Variants in TMTC2 observed in about 807,000 individuals in gnomAD.
TMTC2 encodes transmembrane O-mannosyltransferase targeting cadherins 2, also known as protein O-mannosyl-transferase TMTC2.
TMTC2 carries 43 observed loss-of-function variants against 82.4 expected under a neutral mutation model. The observed-to-expected ratio is 0.52, with a 90% CI of 0.41 to 0.67. TMTC2 has a LOEUF of 0.67. Among genes scored for constraint, TMTC2 ranks in the 30% least tolerant of loss-of-function variants. TMTC2 has a pLI of 0.00. For missense variants in TMTC2, 919 were observed against 1,012.4 expected, an observed-to-expected ratio of 0.91 and a Z score of 1.25; for synonymous variants, 408 against 381.9, an observed-to-expected ratio of 1.07 and a Z score of -0.80.
At chr12:82,846,864 G>T (rs565110513) in intron 1 of TMTC2, among the ~76,000 whole-genome samples, 1 of 152,156 alleles carries the variant, frequency 6.6e-6, no homozygotes, top group South Asian at 2.1e-4. Flanking sequence ...TTACAATCTA[G>T]TAGGAAGAGA....
intron 1 of TMTC2, among the ~76,000 whole-genome samples, chr12:82,693,695 C>G (rs56396658): frequency 1.3e-5 from 2 of 151,838 alleles, no homozygotes; most frequent in Non-Finnish European, 2.9e-5. Flanking sequence ...TGTGGCCGGG[C>G]GCGGTGGCTC....
chr12:82,828,797 C>T (rs1471858814), intron 1 of TMTC2, among the ~76,000 whole-genome samples: 1 of 151,954 alleles, frequency 6.6e-6, no homozygotes, highest in East Asian at 1.9e-4. Flanking sequence ...AAGGAAAAAC[C>T]TATTTCAATA....
intron 7 of TMTC2, among the ~76,000 whole-genome samples, chr12:82,977,122 T>C (rs567059714): frequency 1.3e-5 from 2 of 152,106 alleles, no homozygotes; most frequent in Non-Finnish European, 2.9e-5. Flanking sequence ...GAGAGGGAGT[T>C]TGAATAAATC....
At chr12:82,929,862 T>C (rs10778915) in intron 3 of TMTC2, among the ~76,000 whole-genome samples, 117,932 of 152,058 alleles carry the variant, frequency 0.78, 47,549 homozygotes, top group East Asian at 1. Context: ...AGTGTAGAAA[T>C]AGCGATTTTC....
intron 1 of TMTC2, among the ~76,000 whole-genome samples, chr12:82,814,963 G>A (rs773800990): frequency 1.3e-5 from 2 of 152,052 alleles, no homozygotes; most frequent in African/African-American, 2.4e-5. Context: ...ACATATGGAA[G>A]TAAACATACA....
chr12:83,035,426 A>G (rs1881623211), intron 9 of TMTC2, among the ~76,000 whole-genome samples: 1 of 152,152 alleles, frequency 6.6e-6, no homozygotes, highest in Non-Finnish European at 1.5e-5. Context: ...TGGGATTCAG[A>G]TTTCTTATCT....
intron 11 of TMTC2, among the ~76,000 whole-genome samples, chr12:83,102,215 T>A (rs1261056993): frequency 6.6e-6 from 1 of 152,222 alleles, no homozygotes; most frequent in African/African-American, 2.4e-5. Context: ...CCTTTATTCA[T>A]CCTGTGAATA....
At chr12:82,859,043 A>C (rs1392837972) in intron 2 of TMTC2, among the ~76,000 whole-genome samples, 1 of 150,606 alleles carries the variant, frequency 6.6e-6, no homozygotes, top group Non-Finnish European at 1.5e-5. Flanking sequence ...AGGACCTTGC[A>C]TTAGTCGCCT....
chr12:83,054,581 A>G (rs1286704491), intron 10 of TMTC2, among the ~76,000 whole-genome samples: 3 of 150,978 alleles, frequency 2.0e-5, no homozygotes, highest in Admixed American at 1.3e-4. Flanking sequence ...TCATAATTAT[A>G]TATGTGTATA....
chr12:82,851,807 G>A (rs983511054), intron 1 of TMTC2, among the ~76,000 whole-genome samples: 21 of 151,856 alleles, frequency 1.4e-4, no homozygotes, highest in African/African-American at 5.1e-4. Flanking sequence ...TCAGAACAGC[G>A]CCATTTGATG....
intron 11 of TMTC2, among the ~76,000 whole-genome samples, chr12:83,077,237 G>A (rs1348937739): frequency 2.0e-5 from 3 of 152,142 alleles, no homozygotes; most frequent in African/African-American, 4.8e-5. Flanking sequence ...CTTCCACTGC[G>A]GCAGCCATAA....
intron 1 of TMTC2, among the ~76,000 whole-genome samples, chr12:82,843,856 G>A (rs539408761): frequency 1.3e-5 from 2 of 152,252 alleles, no homozygotes; most frequent in East Asian, 1.9e-4. Flanking sequence ...GCTGATGTAC[G>A]AGAATCACTT....
At chr12:83,081,268 A>G (rs1268126131) in intron 11 of TMTC2, among the ~76,000 whole-genome samples, 1 of 152,210 alleles carries the variant, frequency 6.6e-6, no homozygotes, top group African/African-American at 2.4e-5. Context: ...ATTGCATGTA[A>G]CATGTGATTA....
intron 1 of TMTC2, among the ~76,000 whole-genome samples, chr12:82,796,730 T>A (rs7971945): frequency 0.056 from 8,556 of 152,136 alleles, 306 homozygotes; most frequent in Middle Eastern, 0.14. Context: ...CTCAGGCTGG[T>A]TCTATTAAGC....
intron 11 of TMTC2, among the ~76,000 whole-genome samples, chr12:83,074,968 C>T (rs998903621): frequency 6.6e-6 from 1 of 152,192 alleles, no homozygotes; most frequent in Non-Finnish European, 1.5e-5. Context: ...ACCCCCTGCT[C>T]CTCTGGCCAC....
intron 8 of TMTC2, among the ~76,000 whole-genome samples, chr12:82,992,479 T>C (rs1879443798): frequency 6.6e-6 from 1 of 152,148 alleles, no homozygotes; most frequent in South Asian, 2.1e-4. Flanking sequence ...ATTTATTCTA[T>C]GAAAAAGTGA....
chr12:82,919,542 G>A (rs1288662195), intron 3 of TMTC2, among the ~76,000 whole-genome samples: 1 of 152,106 alleles, frequency 6.6e-6, no homozygotes, highest in African/African-American at 2.4e-5. Context: ...AATGAGATAT[G>A]GGTGATGCTC....
chr12:83,003,973 C>T (rs933954892), intron 8 of TMTC2, among the ~76,000 whole-genome samples: 1 of 152,062 alleles, frequency 6.6e-6, no homozygotes, highest in Admixed American at 6.5e-5. Flanking sequence ...TTATAAGTTG[C>T]TTACCCTCTC....
intron 4 of TMTC2, among the ~76,000 whole-genome samples, chr12:82,931,586 T>C (rs1876033681): frequency 6.6e-6 from 1 of 152,182 alleles, no homozygotes; most frequent in Non-Finnish European, 1.5e-5. Flanking sequence ...AGAGAATGTA[T>C]AAACTCCCCT....
Sources: allele counts gnomAD v4.1 joint callset (sites outside exome capture counted in the v4.1 genomes callset), GRCh38; gene constraint gnomAD v4.1.1; transcripts MANE v1.5; gene names NCBI Gene and HGNC (gene_info 2026-07-23, HGNC 2026-07-21).